The following PISD variants were observed in gnomAD, a reference collection of about 807,000 sequenced individuals.
PISD encodes the protein phosphatidylserine decarboxylase.
In PISD, 31 loss-of-function variants were observed where a neutral mutation model predicts 43.5. That is an observed-to-expected ratio of 0.71 (90% confidence interval 0.54 to 0.96). PISD has a LOEUF of 0.96. PISD is among the 40% of genes least tolerant of loss of function. PISD has a pLI of 0.00. For missense variants in PISD, 523 were observed against 548.4 expected, an observed-to-expected ratio of 0.95 and a Z score of 0.46; for synonymous variants, 259 against 228.7, an observed-to-expected ratio of 1.13 and a Z score of -1.20.
intron 3 of PISD, chr22:31,625,690 G>C: frequency 6.5e-7 from 1 of 1,536,520 alleles, no homozygotes; most frequent in East Asian, 2.4e-5. Context: ...CGAGGCCGCT[G>C]GATGTGAACT....
intron 3 of PISD, among the ~76,000 whole-genome samples, chr22:31,637,152 A>ATAT (rs1569487108): frequency 3.6e-4 from 11 of 30,560 alleles, no homozygotes; most frequent in East Asian, 1.1e-3. Context: ...TTAAAAAAAA[A>ATAT]AAAAAAAAAA....
chr22:31,622,840 G>A (rs2072658534), intron 3 of PISD, among the ~76,000 whole-genome samples: 2 of 152,236 alleles, frequency 1.3e-5, no homozygotes, highest in Non-Finnish European at 2.9e-5. Flanking sequence ...TGTAGAAGCT[G>A]CCTGTAATTG....
At chr22:31,627,641 G>C (rs541522277) in intron 3 of PISD, among the ~76,000 whole-genome samples, 1 of 152,368 alleles carries the variant, frequency 6.6e-6, no homozygotes, top group East Asian at 1.9e-4. Flanking sequence ...GGCAAGCGTG[G>C]CCTTGAGGGG....
chr22:31,646,151 C>T (rs2073882008), intron 3 of PISD, among the ~76,000 whole-genome samples: 1 of 151,840 alleles, frequency 6.6e-6, no homozygotes. Context: ...AATCCCAGCA[C>T]TTTGGGAGGC....
chr22:31,657,187 AG>A (rs1229709372), intron 1 of PISD, among the ~76,000 whole-genome samples: 4 of 152,134 alleles, frequency 2.6e-5, no homozygotes, highest in South Asian at 2.1e-4. Context: ...CCCAGGCTGG[AG>A]TGCAGTGGCA....
chr22:31,637,151 A>T (rs1601390572), intron 3 of PISD, among the ~76,000 whole-genome samples: 2 of 21,442 alleles, frequency 9.3e-5, no homozygotes, highest in South Asian at 1.3e-3. Context: ...ATTAAAAAAA[A>T]AAAAAAAAAA....
At chr22:31,625,616 C>A in intron 3 of PISD, 2 of 1,016,140 alleles carry the variant, frequency 2.0e-6, no homozygotes, top group Non-Finnish European at 1.4e-6. Context: ...TGCTCAGGCC[C>A]CCCAGGCCAG....
chr22:31,623,353 T>C (rs567542637), intron 3 of PISD, among the ~76,000 whole-genome samples: 16 of 152,204 alleles, frequency 1.1e-4, no homozygotes, highest in Non-Finnish European at 2.4e-4. Flanking sequence ...TCTTTTTTGC[T>C]TGAACACAGA....
chr22:31,643,865 G>A (rs112864888), intron 3 of PISD, among the ~76,000 whole-genome samples: 12,321 of 152,130 alleles, frequency 0.081, 557 homozygotes, highest in African/African-American at 0.14. Flanking sequence ...TGGTTAACAC[G>A]GTGAAACCCC....
chr22:31,625,705 C>T, intron 3 of PISD: 2 of 1,556,972 alleles, frequency 1.3e-6, no homozygotes, highest in South Asian at 1.2e-5. Flanking sequence ...TGAACTCTGA[C>T]CTTCCGGAGG....
intron 3 of PISD, chr22:31,623,563 C>T: frequency 9.8e-7 from 1 of 1,020,792 alleles, no homozygotes; most frequent in Non-Finnish European, 1.4e-6. Context: ...CCCGGACCCC[C>T]TGAAGATGTA....
chr22:31,662,250 C>A (rs1278438395), upstream of PISD: 2 of 1,583,692 alleles, frequency 1.3e-6, no homozygotes, highest in Non-Finnish European at 1.7e-6. Context: ...CCTTCACACG[C>A]TGGGCGCACG....
intron 3 of PISD, among the ~76,000 whole-genome samples, chr22:31,640,460 T>C (rs913964504): frequency 6.6e-6 from 1 of 151,914 alleles, no homozygotes; most frequent in African/African-American, 2.4e-5. Context: ...TCTCCCAAAG[T>C]GCTGGGATTA....
At position 31,644,242 on chromosome 22, in the gene PISD, CT is replaced by C. The variant is rs571185716; in HGVS notation, c.321+3858del. Among the ~76,000 whole-genome samples the C allele has an allele frequency of 4.9e-3, 682 of 139,088 alleles. 3 individuals are homozygous for C. The highest frequency in any genetic ancestry group is 0.012 in the African/African-American group (476 of 38,142). 91.2% of individuals were successfully genotyped at this position (139,088 alleles called of 152,430 possible). ...AAGGAATTCAAATTCATAATTTTTTCTTTTTTTTTTTTTTGAGATGGAGTCT... is the reference window on the plus strand; with the variant it reads ...AAGGAATTCAAATTCATAATTTTTTCTTTTTTTTTTTTTGAGATGGAGTCT... On this transcript the variant is annotated intron_variant, in intron 3 of 7. Transcript: ENST00000439502.
intron 3 of PISD, among the ~76,000 whole-genome samples, chr22:31,641,365 A>G (rs1460758889): frequency 3.3e-5 from 5 of 152,180 alleles, no homozygotes; most frequent in Admixed American, 6.5e-5. Context: ...CAAGCACCAG[A>G]ATACCACGAC....
At chr22:31,623,822 C>T in intron 3 of PISD, 10 of 1,613,838 alleles carry the variant, frequency 6.2e-6, no homozygotes, top group Non-Finnish European at 7.6e-6. Context: ...CCAGCCTCCG[C>T]CTCAGGGCCA....
In PISD at chr22:31,639,808, G is replaced by A. The variant is rs142725754; in HGVS notation, c.321+8293C>T. The stretch of plus-strand genomic sequence containing the variant: ...CCCTCTGTCTGTGCTCACTCACCGC[G>A]GCTCTGAGCACAGGCCTCTATGTCA... On this transcript the variant is annotated intron_variant, in intron 3 of 7. Coordinates refer to ENST00000439502, the MANE Select transcript of PISD (RefSeq NM_001326411.2). Among the ~76,000 whole-genome samples, 1,518 of 152,228 alleles carry A rather than the reference G, an allele frequency of 1.0e-2. 8 individuals carry two copies. Among genetic ancestry groups the A allele is most frequent in the Middle Eastern group, 0.031 (9 of 294 alleles).
chr22:31,648,648 C>CA (rs2073949189), intron 2 of PISD, among the ~76,000 whole-genome samples: 1 of 147,214 alleles, frequency 6.8e-6, no homozygotes, highest in Non-Finnish European at 1.5e-5. Flanking sequence ...GCCTAGGTAA[C>CA]AGAGCGAGAC....
chr22:31,662,397 A>G, upstream of PISD: 2 of 607,154 alleles, frequency 3.3e-6, no homozygotes, highest in Admixed American at 5.7e-5. Context: ...GAACTAGTGG[A>G]GCTGTAGGTT....
Sources: gnomAD v4.1 joint callset for allele counts (sites outside exome capture counted in the v4.1 genomes callset) on GRCh38, gnomAD v4.1.1 for gene constraint, MANE v1.5 for transcripts, NCBI Gene and HGNC (gene_info 2026-07-23, HGNC 2026-07-21) for gene names.